The following SEC14L1 variants were observed in gnomAD, a reference collection of about 807,000 sequenced individuals.
The protein encoded by SEC14L1 is SEC14 like lipid binding 1.
Under a neutral mutation model 85.3 loss-of-function variants are expected in SEC14L1, and 48 were observed. The ratio of observed to expected loss-of-function variants is 0.56; its 90% CI spans 0.45 to 0.72. The LOEUF (loss-of-function observed/expected upper bound fraction) is 0.72, where lower values mean the gene tolerates loss of function less well. Ranked by LOEUF, SEC14L1 falls within the 30% of genes least tolerant of loss-of-function variation. SEC14L1 has a pLI of 0.00. For synonymous variants in SEC14L1, 391 were observed against 355.5 expected, an observed-to-expected ratio of 1.10 and a Z score of -1.12; for missense variants, 682 against 921.4, an observed-to-expected ratio of 0.74 and a Z score of 3.36.
At chr17:77,145,765 TG>T (rs1270281114) in intron 3 of SEC14L1, among the ~76,000 whole-genome samples, 1 of 152,104 alleles carries the variant, frequency 6.6e-6, no homozygotes, top group African/African-American at 2.4e-5. Context: ...AGCCTGGTAG[TG>T]GAGGGAGGTT....
intron 3 of SEC14L1, among the ~76,000 whole-genome samples, chr17:77,148,177 A>G (rs1197234106): frequency 6.6e-6 from 1 of 152,088 alleles, no homozygotes; most frequent in Non-Finnish European, 1.5e-5. Context: ...CAAAGGGAAA[A>G]TGAAGGAGGC....
At position 77,190,786 on chromosome 17, in the gene SEC14L1, G is replaced by C. The variant is rs370070843; in HGVS notation, c.64-17G>C. ...TGTCTTTGCTCACTTCTGCTTTCTT[G>C]GTTTTTAAATTTATAGGCCTATGAA... On this transcript the variant is annotated splice_polypyrimidine_tract_variant and intron_variant, in intron 3 of 16. Coordinates refer to ENST00000436233, the MANE Select transcript of SEC14L1 (RefSeq NM_001143998.2). 1 of 1,613,790 alleles carries C rather than the reference G, an allele frequency of 6.2e-7. No homozygotes were observed. Among genetic ancestry groups the C allele is most frequent in the African/African-American group, 1.3e-5 (1 of 74,994 alleles).
chr17:77,201,573 C>G (rs560694200), intron 9 of SEC14L1, among the ~76,000 whole-genome samples: 23 of 152,070 alleles, frequency 1.5e-4, no homozygotes, highest in Non-Finnish European at 2.1e-4. Context: ...GCCTCAGCCT[C>G]CCGAGTAGTT....
At chr17:77,120,968 G>A (rs969503575) in intron 3 of SEC14L1, among the ~76,000 whole-genome samples, 2 of 152,188 alleles carry the variant, frequency 1.3e-5, no homozygotes, top group Non-Finnish European at 2.9e-5. Flanking sequence ...GTGGCAGAGG[G>A]AGCTTGGCTC....
chr17:77,126,199 G>A (rs1334581445), intron 3 of SEC14L1, among the ~76,000 whole-genome samples: 1 of 152,194 alleles, frequency 6.6e-6, no homozygotes, highest in African/African-American at 2.4e-5. Flanking sequence ...TGTGAACACT[G>A]GAGTCAGACT....
rs577362551 is a variant in SEC14L1 at position 77,145,814 on chromosome 17, T to A, written c.63+2155T>A. 4.6e-5 allele frequency among the ~76,000 whole-genome samples: 7 copies of A among 152,282 alleles called. No homozygotes were observed. In the South Asian group the frequency reaches 1.4e-3, roughly 32 times the overall value. The stretch of plus-strand genomic sequence containing the variant: ...GGGGGCCTCAGCCACAGTTTTTCTC[T>A]AGGATTTTGCCCTGTGGGACTGTGC... On this transcript the variant is annotated intron_variant, in intron 3 of 16. Transcript: ENST00000436233.
intron 3 of SEC14L1, among the ~76,000 whole-genome samples, chr17:77,151,702 T>C (rs1789862058): frequency 6.6e-6 from 1 of 152,172 alleles, no homozygotes; most frequent in Non-Finnish European, 1.5e-5. Flanking sequence ...CCAGTTTCAA[T>C]GTTACCAGCA....
intron 3 of SEC14L1, among the ~76,000 whole-genome samples, chr17:77,167,239 A>G (rs970049450): frequency 6.0e-5 from 9 of 150,672 alleles, no homozygotes; most frequent in Admixed American, 5.3e-4. Flanking sequence ...TGTTGAAGCA[A>G]TTCTCCTGCC....
chr17:77,209,177 A>G (rs1976613100), intron 13 of SEC14L1, among the ~76,000 whole-genome samples, 165 bp from the exon 14 acceptor site: 1 of 152,238 alleles, frequency 6.6e-6, no homozygotes, highest in Admixed American at 6.5e-5. Context: ...TTTTAAAAAC[A>G]TATTGCTCAG....
intron 3 of SEC14L1, among the ~76,000 whole-genome samples, chr17:77,134,598 G>T (rs1313433693): frequency 6.6e-6 from 1 of 152,150 alleles, no homozygotes; most frequent in African/African-American, 2.4e-5. Context: ...CAGGTGTGGT[G>T]GCGCATGCCT....
chr17:77,193,267 A>G (rs1975632132), intron 5 of SEC14L1, 154 bp from the exon 6 acceptor site: 6 of 556,832 alleles, frequency 1.1e-5, no homozygotes, highest in African/African-American at 1.9e-5. Flanking sequence ...GATTTTGAAC[A>G]TGATTTTGGC....
intron 3 of SEC14L1, among the ~76,000 whole-genome samples, chr17:77,109,275 C>CT (rs1462513580): frequency 3.3e-5 from 5 of 151,612 alleles, no homozygotes; most frequent in South Asian, 4.1e-4. Flanking sequence ...AGTTACATCT[C>CT]TTTTTTCTTA....
intron 3 of SEC14L1, among the ~76,000 whole-genome samples, chr17:77,116,797 T>C (rs76262336): frequency 1.9e-4 from 29 of 152,320 alleles, no homozygotes; most frequent in African/African-American, 5.8e-4. Context: ...CTTTCATGTC[T>C]GTAAGGAGCT....
chr17:77,180,217 C>T (rs946794144), intron 3 of SEC14L1, among the ~76,000 whole-genome samples: 3 of 151,710 alleles, frequency 2.0e-5, no homozygotes, highest in African/African-American at 7.3e-5. Context: ...GATTCTCCTG[C>T]CTCAACCTCT....
chr17:77,189,689 C>T (rs1040029862), intron 3 of SEC14L1, among the ~76,000 whole-genome samples: 2 of 152,102 alleles, frequency 1.3e-5, no homozygotes, highest in Non-Finnish European at 2.9e-5. Context: ...AGTGCAGTGG[C>T]GCGATCTCGG....
chr17:77,137,093 G>A (rs1340136224), upstream of SEC14L1, among the ~76,000 whole-genome samples: 1 of 152,044 alleles, frequency 6.6e-6, no homozygotes, highest in Non-Finnish European at 1.5e-5. Flanking sequence ...ATTTTTAGTA[G>A]AGACGGGGTT....
At chr17:77,208,148 C>T (rs1333381217) in intron 13 of SEC14L1, among the ~76,000 whole-genome samples, 1 of 152,178 alleles carries the variant, frequency 6.6e-6, no homozygotes, top group Admixed American at 6.5e-5. Flanking sequence ...TTTGGACTTT[C>T]TGAATGGTTA....
At chr17:77,124,339 G>C (rs1327489194) in intron 3 of SEC14L1, among the ~76,000 whole-genome samples, 1 of 152,200 alleles carries the variant, frequency 6.6e-6, no homozygotes, top group Admixed American at 6.5e-5. Flanking sequence ...ATTCCAGCCA[G>C]GGTGACAAAG....
rs1331392748 is a variant in SEC14L1, at chr17:77,191,221, C to G, written c.254C>G (p.Ser85Ter). 2 of 1,613,044 alleles carry G rather than the reference C, an allele frequency of 1.2e-6. No individual in the cohort carries two copies. The highest frequency in any genetic ancestry group is 1.7e-6 in the Non-Finnish European group (2 of 1,179,320). Reference protein sequence around the residue: ...VDYVYFVQKNSLNSRERTLHI... With the variant: ...VDYVYFVQKN ...TATGTTTATTTTGTCCAGAAAAACT[C>G]ACTGAATTCTCGGGAACGTACTTTG... is the stretch of plus-strand genomic sequence containing the variant. Residue 85 changes from serine to a stop codon, truncating the protein, a stop_gained, in exon 5 of 17, where the codon TCA becomes TGA. Coordinates refer to ENST00000436233, the MANE Select transcript of SEC14L1 (RefSeq NM_001143998.2). LOFTEE classifies it high-confidence loss of function.
Sources: gnomAD v4.1 joint callset for allele counts (sites outside exome capture counted in the v4.1 genomes callset) on GRCh38, gnomAD v4.1.1 for gene constraint, MANE v1.5 for transcripts, NCBI Gene and HGNC (gene_info 2026-07-23, HGNC 2026-07-21) for gene names.